The following PANX3 variants were observed in gnomAD, a reference collection of about 807,000 sequenced individuals.
The protein encoded by PANX3 is pannexin-3.
Under a neutral mutation model 31.5 loss-of-function variants are expected in PANX3, and 18 were observed. The ratio of observed to expected loss-of-function variants is 0.57; its 90% CI spans 0.39 to 0.85. PANX3 has a LOEUF of 0.85. PANX3 is among the 40% of genes least tolerant of loss of function. The pLI is 0.00. For missense variants in PANX3, 426 were observed against 485.4 expected (o/e 0.88, Z 1.15); for synonymous variants, 194 against 201.6 (o/e 0.96, Z 0.32).
At position 124,619,317 on chromosome 11, in the gene PANX3, T is replaced by G. The variant is rs888484860; in HGVS notation, c.561T>G (p.Phe187Leu). The G allele has an allele frequency of 1.2e-6, 2 of 1,613,616 alleles. No homozygotes were observed. Among genetic ancestry groups the G allele is most frequent in the Non-Finnish European group, 1.7e-6 (2 of 1,179,870 alleles). The change falls in exon 4 of 4, where the codon TTT becomes TTG. Residue 187 changes from phenylalanine (F) to leucine (L), a missense_variant. Phe to Leu is a conservative substitution (Grantham distance 22). Transcript: ENST00000284288. ...ELEKARKERY[F>L]EFPLLERYLA... ...CCAGGGCTCGGAAAGAACGATACTT[T>G]GAATTCCCTTTGCTAGAGCGGTACC...
chr11:124,612,631 G>C (rs1021118096), intron 1 of PANX3, among the ~76,000 whole-genome samples: 2 of 152,176 alleles, frequency 1.3e-5, no homozygotes, highest in Non-Finnish European at 2.9e-5. Context: ...CAACATTTTA[G>C]AGTCTAAAGG....
rs1863198092 is a variant in PANX3, at chr11:124,619,944, C to T, written c.*9C>T. The T allele has an allele frequency of 1.3e-6, 2 of 1,581,206 alleles. No homozygotes were observed. Among genetic ancestry groups the T allele is most frequent in the African/African-American group, 2.7e-5 (2 of 73,246 alleles). On this transcript the variant is annotated 3_prime_UTR_variant, in exon 4 of 4. Coordinates refer to ENST00000284288, the MANE Select transcript of PANX3 (RefSeq NM_052959.3). ...GTGATGAACACCCATAGTTAAGAAACCATGGAGCAAGAAAGCTTGTGGAAA... is the reference window on the plus strand; with the variant it reads ...GTGATGAACACCCATAGTTAAGAAATCATGGAGCAAGAAAGCTTGTGGAAA...
At chr11:124,611,909 G>A (rs1410994731) in intron 1 of PANX3, among the ~76,000 whole-genome samples, 172 bp downstream of exon 1, 2 of 143,366 alleles carry the variant, frequency 1.4e-5, no homozygotes, top group Admixed American at 7.1e-5. Flanking sequence ...CAAAGCAGAG[G>A]CACCAAAAAA....
In PANX3 at chr11:124,611,687, G is replaced by T. The variant is rs780049222; in HGVS notation, c.131G>T (p.Gly44Val). The change falls in exon 1 of 4, where the codon GGC becomes GTC. Residue 44 changes from glycine (G) to valine (V), a missense_variant. Physicochemically the swap from Gly to Val is moderately radical, Grantham distance 109. Transcript: ENST00000284288. ...CGGATAGTCAAGTTCGTAGCTGTGG[G>T]CTCCCCCTTGTTGCTGATGTCCCTG... is the stretch of plus-strand genomic sequence containing the variant. ...LDRIVKFVAV[G>V]SPLLLMSLAF... 5.6e-6 allele frequency: 9 copies of T among 1,614,022 alleles called. No homozygotes were observed. Among genetic ancestry groups the T allele is most frequent in the Non-Finnish European group, 5.9e-6 (7 of 1,180,002 alleles).
In PANX3 at chr11:124,614,670, C is replaced by CTTTTTT. The variant is rs138365917; in HGVS notation, c.324+1566_324+1571dup. ...GGTTTATTTTCAATAAACGCCCTTTCTTTTTTTTTTTTTTTTTTTTTTTGA... is the reference window on the plus strand; with the variant it reads ...GGTTTATTTTCAATAAACGCCCTTTCTTTTTTTTTTTTTTTTTTTTTTTTTTTTTGA... On this transcript the variant is annotated intron_variant, in intron 2 of 3. Coordinates refer to ENST00000284288, the MANE Select transcript of PANX3 (RefSeq NM_052959.3). 6.8e-3 allele frequency among the ~76,000 whole-genome samples: 646 copies of CTTTTTT among 95,296 alleles called. 7 individuals carry two copies. Among genetic ancestry groups the CTTTTTT allele is most frequent in the African/African-American group, 8.8e-3 (195 of 22,244 alleles). The allele number at this position is 95,296 out of a possible 152,430, so 62.5% of individuals were successfully genotyped here.
Position 124,616,980 on chromosome 11 carries a change from TTCTCTCTCTCTCTCCTTATTC to T in PANX3, c.325-282_325-262del, listed in dbSNP as rs148233918. ...CCTCTCCTCTCTCTCTCTCTCCTTATTCTCTCTCTCTCTCCTTATTCTCTCTCTCTCTTCTCCCTGGGACCC... is the reference window on the plus strand; with the variant it reads ...CCTCTCCTCTCTCTCTCTCTCCTTATTCTCTCTCTCTTCTCCCTGGGACCC... On this transcript the variant is annotated intron_variant, in intron 2 of 3. Transcript: ENST00000284288. This position sits in a 1 kb window ranked among gnomAD's most constrained non-coding sequence, Gnocchi z 4.8. Among the ~76,000 whole-genome samples, 23,069 of 147,578 alleles carry T rather than the reference TTCTCTCTCTCTCTCCTTATTC, an allele frequency of 0.16. 4,181 individuals are homozygous for T. The highest frequency in any genetic ancestry group is 0.44 in the African/African-American group (17,850 of 40,224).
chr11:124,615,982 C>G (rs957844564), intron 2 of PANX3, among the ~76,000 whole-genome samples: 2 of 152,084 alleles, frequency 1.3e-5, no homozygotes, highest in African/African-American at 2.4e-5. Flanking sequence ...CCACGGCACT[C>G]CAGCCTGGGC....
chr11:124,613,639 C>T (rs117184021), intron 2 of PANX3, among the ~76,000 whole-genome samples: 2,015 of 152,238 alleles, frequency 0.013, 21 homozygotes, highest in Middle Eastern at 0.054. Context: ...AGGGAGTAAC[C>T]GTCAAGCCTC....
Position 124,611,614 on chromosome 11 carries a change from C to T in PANX3, c.58C>T (p.Arg20Cys), listed in dbSNP as rs751256451. 1.2e-5 allele frequency: 20 copies of T among 1,614,030 alleles called. No homozygotes were observed. The highest frequency in any genetic ancestry group is 2.7e-5 in the African/African-American group (2 of 74,936). The change falls in exon 1 of 4, where the codon CGC becomes TGC. Residue 20 changes from arginine to cysteine, a missense_variant. Coordinates refer to ENST00000284288, the MANE Select transcript of PANX3 (RefSeq NM_052959.3). ...GCTCTCAGATGCCCTGCTGCCTGAC[C>T]GCAGGGGACCCCGCCTCAAAGGACT... is the stretch of plus-strand genomic sequence containing the variant. ...YMLSDALLPD[R>C]RGPRLKGLRL...
chr11:124,612,713 A>G (rs1456209826), intron 1 of PANX3, among the ~76,000 whole-genome samples: 2 of 152,180 alleles, frequency 1.3e-5, no homozygotes, highest in African/African-American at 4.8e-5. Context: ...ACAGGAGCAC[A>G]AAAAGCCCAG....
At chr11:124,619,165 G>C in intron 3 of PANX3, 131 bp from the exon 4 acceptor site, 1 of 968,358 alleles carries the variant, frequency 1.0e-6, no homozygotes, top group Non-Finnish European at 1.5e-6. Context: ...GGTTATGCTC[G>C]GGAAGACAGA....
Position 124,619,634 on chromosome 11 carries a change from G to C in PANX3, c.878G>C (p.Arg293Pro). The change falls in exon 4 of 4, where the codon CGG (arginine) becomes CCG (proline). Residue 293 changes from arginine (R) to proline (P), a missense_variant. Coordinates refer to ENST00000284288, the MANE Select transcript of PANX3 (RefSeq NM_052959.3). ...LVPVIIYNLT[R>P]LCRWDKRLLS... ...CCAGTGATAATATACAACCTCACAC[G>C]GCTATGTCGGTGGGACAAACGACTT... 6.2e-7 allele frequency: 1 copy of C among 1,614,076 alleles called. No individual in the cohort carries two copies. Among genetic ancestry groups the C allele is most frequent in the Non-Finnish European group, 8.5e-7 (1 of 1,180,034 alleles).
Position 124,619,906 on chromosome 11 carries a change from A to AC in PANX3, c.1152dup (p.Asn385GlnfsTer5). On this transcript the variant is annotated frameshift_variant, in exon 4 of 4. Coordinates refer to ENST00000284288, the MANE Select transcript of PANX3 (RefSeq NM_052959.3). LOFTEE classifies it high-confidence loss of function. ...AGAACCCTCAAAACCCAAACACCTCACCAACTCGGCATGTGATGAACACCC... is the reference window on the plus strand; with the variant it reads ...AGAACCCTCAAAACCCAAACACCTCACCCAACTCGGCATGTGATGAACACCC... 1 of 1,610,072 alleles carries AC rather than the reference A, an allele frequency of 6.2e-7. No individual in the cohort carries two copies. The highest frequency in any genetic ancestry group is 8.5e-7 in the Non-Finnish European group (1 of 1,178,462).
At chr11:124,618,181 G>GGT (rs1431402336) in intron 3 of PANX3, among the ~76,000 whole-genome samples, 2 of 152,178 alleles carry the variant, frequency 1.3e-5, no homozygotes, top group African/African-American at 4.8e-5. Flanking sequence ...GATGGAGAGT[G>GGT]GTGTAGCTTC....
At chr11:124,617,549 G>T (rs1863168706) in intron 3 of PANX3, 61 bp downstream of exon 3, 11 of 1,526,376 alleles carry the variant, frequency 7.2e-6, no homozygotes, top group South Asian at 5.6e-5. Context: ...TGATAACTTT[G>T]CATAGTCATC....
chr11:124,613,207 C>T, intron 2 of PANX3, 85 bp downstream of exon 2: 1 of 1,473,294 alleles, frequency 6.8e-7, no homozygotes, highest in Non-Finnish European at 9.1e-7. Flanking sequence ...TTGCCTCTAT[C>T]CCCACCACCC....
chr11:124,617,562 T>A, intron 3 of PANX3, 74 bp downstream of exon 3: 1 of 1,434,008 alleles, frequency 7.0e-7, no homozygotes, highest in Non-Finnish European at 9.8e-7. Context: ...TAGTCATCTT[T>A]AAATGATCTT....
chr11:124,612,758 A>G (rs773471385), intron 1 of PANX3, among the ~76,000 whole-genome samples: 3 of 152,188 alleles, frequency 2.0e-5, no homozygotes, highest in Non-Finnish European at 4.4e-5. Flanking sequence ...ACCAGACCCA[A>G]AAGGCTGAGT....
intron 2 of PANX3, among the ~76,000 whole-genome samples, chr11:124,614,519 C>G (rs568893902): frequency 6.6e-5 from 10 of 152,132 alleles, no homozygotes; most frequent in Non-Finnish European, 1.2e-4. Context: ...CCACCTGCCT[C>G]AGCCTCCCAA....
Sources: allele counts gnomAD v4.1 joint callset (sites outside exome capture counted in the v4.1 genomes callset), GRCh38; gene constraint gnomAD v4.1.1; non-coding constraint Gnocchi (gnomAD v3.1); transcripts MANE v1.5; gene names NCBI Gene and HGNC (gene_info 2026-07-23, HGNC 2026-07-21).